Variants in RANBP2 observed in about 807,000 individuals in gnomAD.
RANBP2 encodes the protein E3 SUMO-protein ligase RanBP2.
A neutral mutation model predicts 303.6 loss-of-function variants in RANBP2; 57 were observed. That is an observed-to-expected ratio of 0.19 (90% CI 0.15 to 0.23). The LOEUF is 0.23. RANBP2 is among the 10% of genes least tolerant of loss of function. The probability of loss-of-function intolerance (pLI) is 1.00; values close to 1 mark genes in which losing one functional copy is unlikely to be tolerated. For missense variants in RANBP2, 3,138 were observed against 3,780.8 expected (o/e 0.83, Z 4.46); for synonymous variants, 1,167 against 1,301.5 (o/e 0.90, Z 2.23).
the RANBP2 span, among the ~76,000 whole-genome samples, chr2:109,406,893 G>T: frequency 6.6e-6 from 1 of 152,190 alleles, no homozygotes; most frequent in African/African-American, 2.4e-5. Context: ...TGGGCACATG[G>T]AGTCCAGCGG....
At chr2:109,479,537 G>A in the RANBP2 span, among the ~76,000 whole-genome samples, 1 of 152,062 alleles carries the variant, frequency 6.6e-6, no homozygotes, top group African/African-American at 2.4e-5. Flanking sequence ...GTGTCGGGAT[G>A]TCCAGCTTCC....
chr2:109,621,914 AAAATAAATAAATAAAT>A, the RANBP2 span, among the ~76,000 whole-genome samples: 1 of 146,486 alleles, frequency 6.8e-6, no homozygotes, highest in African/African-American at 2.5e-5. Flanking sequence ...CTCCATCTCA[AAAATAAATAAATAAAT>A]AAATAAATAA....
At chr2:109,645,374 T>A in the RANBP2 span, among the ~76,000 whole-genome samples, 1 of 152,238 alleles carries the variant, frequency 6.6e-6, no homozygotes, top group Admixed American at 6.5e-5. Context: ...TCTGGCCAAA[T>A]CCCTGATGAG....
chr2:109,693,597 C>T, the RANBP2 span, among the ~76,000 whole-genome samples: 104 of 152,316 alleles, frequency 6.8e-4, 1 homozygote, highest in African/African-American at 2.2e-3. Flanking sequence ...CTCTCTCTTG[C>T]CTGCCACCAC....
At chr2:109,688,418 T>A in the RANBP2 span, among the ~76,000 whole-genome samples, 1 of 152,144 alleles carries the variant, frequency 6.6e-6, no homozygotes, top group Admixed American at 6.5e-5. Context: ...TGCAGTCCCC[T>A]GACATGGGCA....
the RANBP2 span, among the ~76,000 whole-genome samples, chr2:109,669,709 C>G: frequency 1.9e-4 from 29 of 152,226 alleles, no homozygotes; most frequent in East Asian, 3.7e-3. Flanking sequence ...TTCTGACAAC[C>G]CTCACCGCCT....
chr2:109,192,486 T>C, the RANBP2 span, among the ~76,000 whole-genome samples: 1 of 152,250 alleles, frequency 6.6e-6, no homozygotes, highest in South Asian at 2.1e-4. Context: ...TAGCCTGGTA[T>C]ACATTTGTGT....
chr2:109,349,931 G>A, the RANBP2 span, among the ~76,000 whole-genome samples: 3 of 152,198 alleles, frequency 2.0e-5, no homozygotes, highest in Admixed American at 6.5e-5. Flanking sequence ...AAACATACCG[G>A]GCCCTGACTC....
At chr2:108,944,184 G>A in the RANBP2 span, among the ~76,000 whole-genome samples, 1 of 152,188 alleles carries the variant, frequency 6.6e-6, no homozygotes, top group Non-Finnish European at 1.5e-5. Context: ...CACGATCTCG[G>A]CTCACTGCAA....
the RANBP2 span, among the ~76,000 whole-genome samples, chr2:109,254,853 CTG>C: frequency 6.6e-6 from 1 of 152,188 alleles, no homozygotes; most frequent in Non-Finnish European, 1.5e-5. Context: ...TATCTGCTCT[CTG>C]TGGATGTCCG....
At chr2:109,470,159 G>T in the RANBP2 span, among the ~76,000 whole-genome samples, 10 of 152,210 alleles carry the variant, frequency 6.6e-5, no homozygotes, top group South Asian at 2.1e-3. Flanking sequence ...GGGTGGCTGG[G>T]GTGGCCCTGT....
At chr2:109,202,047 G>T in the RANBP2 span, among the ~76,000 whole-genome samples, 115,168 of 151,522 alleles carry the variant, frequency 0.76, 44,034 homozygotes, top group Middle Eastern at 0.82. Flanking sequence ...TTGGAGCCTG[G>T]CTGGGTCTCG....
At chr2:109,341,102 T>C in the RANBP2 span, among the ~76,000 whole-genome samples, 140 of 152,298 alleles carry the variant, frequency 9.2e-4, no homozygotes, top group African/African-American at 3.2e-3. Context: ...TCTTCATCAA[T>C]TCTTGGATGA....
the RANBP2 span, among the ~76,000 whole-genome samples, chr2:108,841,172 G>C: frequency 6.6e-6 from 1 of 152,038 alleles, no homozygotes; most frequent in Non-Finnish European, 1.5e-5. Context: ...TTGTGTTTCT[G>C]TTACTCTGTT....
the RANBP2 span, among the ~76,000 whole-genome samples, chr2:109,437,315 G>C: frequency 6.6e-6 from 1 of 152,118 alleles, no homozygotes; most frequent in Non-Finnish European, 1.5e-5. Flanking sequence ...AGAATGTTGT[G>C]AGATGAAAAG....
At chr2:108,737,451 G>A (rs1344424109) in intron 6 of RANBP2, among the ~76,000 whole-genome samples, 4 of 149,130 alleles carry the variant, frequency 2.7e-5, no homozygotes, top group Non-Finnish European at 5.9e-5. Context: ...CGATTCTCCT[G>A]CCTCAGCCTC....
the RANBP2 span, among the ~76,000 whole-genome samples, chr2:109,506,506 C>T: frequency 2.0e-5 from 3 of 152,310 alleles, no homozygotes; most frequent in East Asian, 3.9e-4. Flanking sequence ...TCCCCTGGGG[C>T]CTTGCAGAGG....
chr2:109,010,956 C>T, the RANBP2 span, among the ~76,000 whole-genome samples: 1 of 152,280 alleles, frequency 6.6e-6, no homozygotes, highest in African/African-American at 2.4e-5. Context: ...TCCCTGCACC[C>T]ACCTTTCCAC....
At chr2:108,892,035 G>A in the RANBP2 span, among the ~76,000 whole-genome samples, 1 of 152,116 alleles carries the variant, frequency 6.6e-6, no homozygotes, top group Non-Finnish European at 1.5e-5. Context: ...CAGGCCCCTT[G>A]GTGAGAGCAG....
Sources: allele counts gnomAD v4.1 joint callset (sites outside exome capture counted in the v4.1 genomes callset), GRCh38; gene constraint gnomAD v4.1.1; transcripts MANE v1.5; gene names NCBI Gene and HGNC (gene_info 2026-07-23, HGNC 2026-07-21).